Variants in SLC9A9 observed in about 807,000 individuals in gnomAD.
SLC9A9 encodes the protein sodium/hydrogen exchanger 9.
In SLC9A9, 62 loss-of-function variants were observed where a neutral mutation model predicts 77.8. The observed-to-expected ratio is 0.80, with a 90% confidence interval of 0.65 to 0.98. The LOEUF is 0.98. Among genes scored for constraint, SLC9A9 ranks in the 50% least tolerant of loss-of-function variants. SLC9A9 has a pLI of 0.00. For synonymous variants in SLC9A9, 320 were observed against 283.5 expected, an observed-to-expected ratio of 1.13 and a Z score of -1.29; for missense variants, 775 against 774.9, an observed-to-expected ratio of 1.00 and a Z score of 0.00.
At chr3:143,683,616 T>C (rs988937962) in intron 5 of SLC9A9, among the ~76,000 whole-genome samples, 3 of 152,114 alleles carry the variant, frequency 2.0e-5, no homozygotes, top group Admixed American at 2.0e-4. Flanking sequence ...TCAGGTTGGA[T>C]AGTGCCGTCA....
intron 9 of SLC9A9, among the ~76,000 whole-genome samples, chr3:143,532,674 C>T (rs191141759): frequency 2.2e-4 from 33 of 152,246 alleles, no homozygotes; most frequent in African/African-American, 4.8e-4. Flanking sequence ...AGTTTTCAAA[C>T]GGTAAAATGT....
intron 6 of SLC9A9, among the ~76,000 whole-genome samples, chr3:143,585,725 C>T (rs2037530041): frequency 1.3e-5 from 2 of 152,200 alleles, no homozygotes; most frequent in African/African-American, 2.4e-5. Context: ...GAACACTGGG[C>T]TGGGTGGGCT....
chr3:143,569,681 A>C (rs559628417), intron 8 of SLC9A9, among the ~76,000 whole-genome samples: 23 of 152,268 alleles, frequency 1.5e-4, no homozygotes, highest in Admixed American at 1.2e-3. Flanking sequence ...AAAACTTGAA[A>C]ATGCCTATGC....
chr3:143,706,920 C>A (rs1267864940), intron 4 of SLC9A9, among the ~76,000 whole-genome samples: 1 of 152,086 alleles, frequency 6.6e-6, no homozygotes, highest in African/African-American at 2.4e-5. Flanking sequence ...AGATTGGATA[C>A]CTCTGCATAG....
intron 1 of SLC9A9, among the ~76,000 whole-genome samples, chr3:143,843,467 A>G (rs187596614): frequency 2.2e-3 from 339 of 152,354 alleles, no homozygotes; most frequent in African/African-American, 7.4e-3. Flanking sequence ...GCACATTCTT[A>G]AAGAATCTGA....
chr3:143,794,533 G>A (rs2008318401), intron 4 of SLC9A9, among the ~76,000 whole-genome samples: 1 of 152,150 alleles, frequency 6.6e-6, no homozygotes, highest in Non-Finnish European at 1.5e-5. Context: ...AGCTATCCCT[G>A]TATTAAGCAA....
chr3:143,551,620 T>C (rs1417929565), intron 9 of SLC9A9, among the ~76,000 whole-genome samples: 1 of 152,244 alleles, frequency 6.6e-6, no homozygotes, highest in Non-Finnish European at 1.5e-5. Flanking sequence ...AACTTTCTCC[T>C]GACTTTCTCA....
At chr3:143,464,067 G>A (rs1365036105) in intron 12 of SLC9A9, among the ~76,000 whole-genome samples, 1 of 152,138 alleles carries the variant, frequency 6.6e-6, no homozygotes, top group Non-Finnish European at 1.5e-5. Context: ...ATAGACTCAA[G>A]AAGGGAAGGC....
At chr3:143,480,679 C>T (rs368162412) in intron 11 of SLC9A9, among the ~76,000 whole-genome samples, 12 of 152,282 alleles carry the variant, frequency 7.9e-5, no homozygotes, top group Admixed American at 2.0e-4. Flanking sequence ...GGTGGAAGTT[C>T]GTCTTCTTAA....
chr3:143,843,112 T>C (rs1411800428), intron 1 of SLC9A9, among the ~76,000 whole-genome samples: 1 of 152,052 alleles, frequency 6.6e-6, no homozygotes, highest in Non-Finnish European at 1.5e-5. Flanking sequence ...ATATTTTCTC[T>C]ATAAAAAAAG....
intron 6 of SLC9A9, among the ~76,000 whole-genome samples, chr3:143,648,290 C>T (rs1418508080): frequency 2.0e-5 from 3 of 152,120 alleles, no homozygotes; most frequent in African/African-American, 7.2e-5. Context: ...GGAACTGTTT[C>T]GTGGAAGGCG....
chr3:143,344,151 A>T (rs1236801793), intron 14 of SLC9A9, among the ~76,000 whole-genome samples: 3 of 152,174 alleles, frequency 2.0e-5, no homozygotes, highest in Non-Finnish European at 4.4e-5. Flanking sequence ...TTATTAACTG[A>T]CAAAGGTTAC....
At chr3:143,814,344 T>C (rs1308244035) in intron 2 of SLC9A9, among the ~76,000 whole-genome samples, 1 of 151,946 alleles carries the variant, frequency 6.6e-6, no homozygotes, top group Non-Finnish European at 1.5e-5. Flanking sequence ...AATGAGTTGA[T>C]GAGCATAGAT....
At chr3:143,288,292 T>A (rs1478219655) in intron 14 of SLC9A9, among the ~76,000 whole-genome samples, 1 of 151,712 alleles carries the variant, frequency 6.6e-6, no homozygotes, top group African/African-American at 2.4e-5. Flanking sequence ...CCAAAGAACA[T>A]ATCACATTAT....
At chr3:143,397,663 T>C (rs553040580) in intron 12 of SLC9A9, among the ~76,000 whole-genome samples, 1 of 152,284 alleles carries the variant, frequency 6.6e-6, no homozygotes, top group Non-Finnish European at 1.5e-5. Context: ...TAATCCCAGC[T>C]TGCCATTAAA....
At chr3:143,295,377 AG>A (rs1405541288) in intron 14 of SLC9A9, among the ~76,000 whole-genome samples, 1 of 152,238 alleles carries the variant, frequency 6.6e-6, no homozygotes, top group Non-Finnish European at 1.5e-5. Flanking sequence ...TGATGCAGAC[AG>A]CAGTAAAAGC....
At chr3:143,425,426 G>A (rs1472441381) in intron 12 of SLC9A9, among the ~76,000 whole-genome samples, 1 of 152,086 alleles carries the variant, frequency 6.6e-6, no homozygotes, top group African/African-American at 2.4e-5. Context: ...AAGAATTAAA[G>A]TATATCCACT....
At chr3:143,634,749 C>T (rs2038484706) in intron 6 of SLC9A9, among the ~76,000 whole-genome samples, 1 of 152,076 alleles carries the variant, frequency 6.6e-6, no homozygotes, top group Non-Finnish European at 1.5e-5. Context: ...TTCTGAAATA[C>T]TTTGATGTAT....
chr3:143,530,490 A>G (rs980257090), intron 9 of SLC9A9, among the ~76,000 whole-genome samples: 21 of 152,160 alleles, frequency 1.4e-4, no homozygotes, highest in Non-Finnish European at 1.8e-4. Flanking sequence ...CTGTGAGTCC[A>G]TTAAACCTCT....
Sources: gnomAD v4.1 joint callset for allele counts (sites outside exome capture counted in the v4.1 genomes callset) on GRCh38, gnomAD v4.1.1 for gene constraint, MANE v1.5 for transcripts, NCBI Gene and HGNC (gene_info 2026-07-23, HGNC 2026-07-21) for gene names.